Variants in TTC3 observed in about 807,000 individuals in gnomAD.
TTC3 encodes E3 ubiquitin-protein ligase TTC3.
Under a neutral mutation model 249.6 loss-of-function variants are expected in TTC3, and 180 were observed. The observed-to-expected ratio is 0.72, with a 90% CI of 0.64 to 0.82. The LOEUF (loss-of-function observed/expected upper bound fraction) is 0.82, where lower values mean the gene tolerates loss of function less well. TTC3 is among the 40% of genes least tolerant of loss of function. The probability of loss-of-function intolerance (pLI) is 0.00; values close to 1 mark genes in which losing one functional copy is unlikely to be tolerated. For synonymous variants in TTC3, 717 were observed against 805.0 expected (o/e 0.89, Z 1.85); for missense variants, 2,061 against 2,398.4 (o/e 0.86, Z 2.94).
At chr21:37,170,832 C>A (rs1208295592) in intron 34 of TTC3, among the ~76,000 whole-genome samples, 1 of 152,166 alleles carries the variant, frequency 6.6e-6, no homozygotes, top group East Asian at 1.9e-4. Context: ...TGAAAATCAT[C>A]TACCTTCCCA....
chr21:37,093,822 TA>T (rs1434536599), intron 7 of TTC3, among the ~76,000 whole-genome samples, 182 bp from the exon 8 acceptor site: 2 of 152,180 alleles, frequency 1.3e-5, no homozygotes, highest in Admixed American at 6.5e-5. Flanking sequence ...TTTATCAGTT[TA>T]TTTTTTTACT....
At chr21:37,129,416 C>T (rs1433982238) in intron 16 of TTC3, among the ~76,000 whole-genome samples, 1 of 152,116 alleles carries the variant, frequency 6.6e-6, no homozygotes, top group East Asian at 1.9e-4. Flanking sequence ...TCCTGCAGTC[C>T]CTTCTCTAAG....
Position 37,124,752 on chromosome 21 carries a change from A to G in TTC3, c.1233+10A>G. 2 of 1,608,272 alleles carry G rather than the reference A, an allele frequency of 1.2e-6. No homozygotes were observed. ...TAATCAGAATCTAAAGGTAAGCTCC[A>G]TTGAAAACTACAGTTTTTTTCAAGG... is the stretch of plus-strand genomic sequence containing the variant. On this transcript the variant is annotated intron_variant, in intron 14 of 45. Coordinates refer to ENST00000355666, the Ensembl canonical transcript of TTC3.
At chr21:37,171,377 A>G (rs1181491842) in intron 34 of TTC3, among the ~76,000 whole-genome samples, 1 of 152,206 alleles carries the variant, frequency 6.6e-6, no homozygotes, top group Non-Finnish European at 1.5e-5. Context: ...CAGCATTGCT[A>G]CTTTCTCCTG....
Position 37,140,704 on chromosome 21 carries a change from AG to A in TTC3, c.1772+33del, listed in dbSNP as rs763826285. ...TAGAAATGACACTACTTTAAGCTCTAGGCTGGTAACTCATTTAAAATCCAAT... is the reference window on the plus strand; with the variant it reads ...TAGAAATGACACTACTTTAAGCTCTAGCTGGTAACTCATTTAAAATCCAAT... On this transcript the variant is annotated intron_variant, in intron 20 of 45. Transcript: ENST00000355666. The A allele has an allele frequency of 3.4e-6, 5 of 1,459,970 alleles. No individual in the cohort carries two copies. The South Asian group carries it at 5.0e-5, about 15-fold the overall frequency. The allele number at this position is 1,459,970 out of a possible 1,614,324, so 90.4% of individuals were successfully genotyped here. A position where few individuals can be genotyped will look rare whatever the true frequency, so the allele number is the denominator to read the frequency against.
intron 27 of TTC3, among the ~76,000 whole-genome samples, chr21:37,155,083 G>A (rs2079894529): frequency 6.6e-6 from 1 of 152,168 alleles, no homozygotes; most frequent in African/African-American, 2.4e-5. Context: ...TTTATTTAAA[G>A]TTGTGAAATG....
At chr21:37,128,979 G>A (rs2835617) in intron 15 of TTC3, 24 bp from the exon 16 acceptor site, 192,977 of 1,529,026 alleles carry the variant, frequency 0.13, 13,716 homozygotes, top group Admixed American at 0.18. Flanking sequence ...CAGATTTTAG[G>A]AACAAATACT....
intron 19 of TTC3, among the ~76,000 whole-genome samples, chr21:37,139,747 T>C (rs1037960267): frequency 6.6e-5 from 10 of 152,172 alleles, no homozygotes; most frequent in African/African-American, 2.2e-4. Flanking sequence ...TTTTACCTTA[T>C]TAGAATTGAA....
chr21:37,181,141 A>G (rs1380488489), intron 35 of TTC3, among the ~76,000 whole-genome samples: 1 of 152,232 alleles, frequency 6.6e-6, no homozygotes, highest in Non-Finnish European at 1.5e-5. Flanking sequence ...GGCATTCAGC[A>G]GTGGTTAGTA....
intron 21 of TTC3, among the ~76,000 whole-genome samples, chr21:37,146,836 A>G (rs1301542988): frequency 1.3e-5 from 2 of 152,234 alleles, no homozygotes; most frequent in African/African-American, 2.4e-5. Flanking sequence ...TGAGTTGTAT[A>G]GTGTGTAAAT....
At chr21:37,096,429 G>A (rs1034066016) in intron 9 of TTC3, 152 bp from the exon 10 acceptor site, 4 of 527,772 alleles carry the variant, frequency 7.6e-6, no homozygotes, top group Admixed American at 7.6e-5. Context: ...CGGGGACTTC[G>A]CCAGTTAAGA....
chr21:37,162,337 G>A (rs565736921), intron 31 of TTC3, among the ~76,000 whole-genome samples: 3 of 152,296 alleles, frequency 2.0e-5, no homozygotes, highest in Admixed American at 2.0e-4. Context: ...GCAAGGCTCT[G>A]TGGGAAAATC....
intron 1 of TTC3, among the ~76,000 whole-genome samples, chr21:37,078,937 C>G (rs530463957): frequency 6.6e-6 from 1 of 152,252 alleles, no homozygotes; most frequent in Non-Finnish European, 1.5e-5. Flanking sequence ...ATAACATTTG[C>G]TGTGAATTTT....
intron 10 of TTC3, among the ~76,000 whole-genome samples, chr21:37,097,497 G>C (rs958742667): frequency 6.6e-6 from 1 of 152,128 alleles, no homozygotes; most frequent in African/African-American, 2.4e-5. Context: ...GTCCTGCATA[G>C]GTATTAGTTA....
intron 21 of TTC3, among the ~76,000 whole-genome samples, chr21:37,147,045 G>A (rs796729292): frequency 2.0e-5 from 3 of 152,290 alleles, no homozygotes; most frequent in Admixed American, 6.5e-5. Flanking sequence ...TGGCAGAGCT[G>A]CAAGGAGGAA....
At chr21:37,136,777 T>C (rs566053974) in intron 18 of TTC3, among the ~76,000 whole-genome samples, 1 of 152,300 alleles carries the variant, frequency 6.6e-6, no homozygotes, top group Admixed American at 6.5e-5. Context: ...CAACCTTCTG[T>C]TGGAAGAAGA....
intron 18 of TTC3, among the ~76,000 whole-genome samples, chr21:37,137,268 A>G (rs140217440): frequency 7.2e-4 from 110 of 152,358 alleles, no homozygotes; most frequent in African/African-American, 2.5e-3. Flanking sequence ...TATAGCTGCC[A>G]TAGTGATTCC....
chr21:37,188,352 T>C, intron 38 of TTC3, 143 bp from the exon 39 acceptor site: 1 of 585,782 alleles, frequency 1.7e-6, no homozygotes, highest in South Asian at 2.2e-5. Flanking sequence ...TGTTCACCTA[T>C]GATACAATCA....
chr21:37,201,773 G>T (rs2085527680), exon 46 of TTC3: 1 of 718,534 alleles, frequency 1.4e-6, no homozygotes, highest in Non-Finnish European at 2.2e-6. Flanking sequence ...GCCAACAGTG[G>T]CTAATAAAAT....
Sources: gnomAD v4.1 joint callset for allele counts (sites outside exome capture counted in the v4.1 genomes callset) on GRCh38, gnomAD v4.1.1 for gene constraint, MANE v1.5 for transcripts, NCBI Gene and HGNC (gene_info 2026-07-23, HGNC 2026-07-21) for gene names.